The following MTUS2 variants were observed in gnomAD, a reference collection of about 807,000 sequenced individuals.
MTUS2 encodes the protein microtubule associated scaffold protein 2.
MTUS2 carries 40 observed loss-of-function variants against 114.1 expected under a neutral mutation model. The observed-to-expected ratio is 0.35, with a 90% CI of 0.27 to 0.46. MTUS2 has a LOEUF of 0.46. Among genes scored for constraint, MTUS2 ranks in the 20% least tolerant of loss-of-function variants. MTUS2 has a pLI of 1.00. For missense variants in MTUS2, 1,679 were observed against 1,705.4 expected, an observed-to-expected ratio of 0.98 and a Z score of 0.27; for synonymous variants, 688 against 672.0, an observed-to-expected ratio of 1.02 and a Z score of -0.37.
intron 2 of MTUS2, among the ~76,000 whole-genome samples, chr13:28,936,600 T>C (rs1057146429): frequency 2.0e-5 from 3 of 152,182 alleles, no homozygotes; most frequent in African/African-American, 7.2e-5. Flanking sequence ...TACTCCTTCC[T>C]GGCTTCCCCT....
intron 4 of MTUS2, among the ~76,000 whole-genome samples, chr13:29,067,377 A>G (rs9508251): frequency 0.24 from 36,898 of 152,042 alleles, 5,042 homozygotes; most frequent in Non-Finnish European, 0.31. Context: ...AATGTAGTGT[A>G]TGAGGCTAAG....
At chr13:29,071,932 A>C (rs916487262) in intron 4 of MTUS2, 1 of 152,182 alleles carries the variant, frequency 6.6e-6, no homozygotes, top group Non-Finnish European at 1.5e-5. Context: ...TGCCCAGAAG[A>C]GGAGATGGTG....
chr13:29,453,368 G>T (rs1041304510), intron 9 of MTUS2, among the ~76,000 whole-genome samples: 1 of 152,180 alleles, frequency 6.6e-6, no homozygotes, highest in African/African-American at 2.4e-5. Flanking sequence ...CAATGAATGT[G>T]GGGAATTCAA....
chr13:29,067,430 T>C (rs1364723741), intron 4 of MTUS2, among the ~76,000 whole-genome samples: 9 of 152,124 alleles, frequency 5.9e-5, no homozygotes, highest in Admixed American at 5.9e-4. Context: ...GACTGTCTCA[T>C]AGACAAGAGG....
intron 2 of MTUS2, among the ~76,000 whole-genome samples, chr13:28,938,180 C>A (rs1003884601): frequency 1.3e-5 from 2 of 152,118 alleles, no homozygotes; most frequent in East Asian, 1.9e-4. Flanking sequence ...GTCAGGAGAT[C>A]GAGACCATCC....
At chr13:29,325,851 T>C (rs1050620627) in intron 7 of MTUS2, among the ~76,000 whole-genome samples, 2 of 152,190 alleles carry the variant, frequency 1.3e-5, no homozygotes, top group Admixed American at 1.3e-4. Context: ...ATTTCATTAA[T>C]TTGCCCAAAG....
chr13:28,963,486 T>C (rs1883430767), intron 2 of MTUS2, among the ~76,000 whole-genome samples: 1 of 152,220 alleles, frequency 6.6e-6, no homozygotes, highest in African/African-American at 2.4e-5. Context: ...AGACAAAAAA[T>C]GGTCTGTTTA....
chr13:28,863,802 A>G (rs1386647146), intron 2 of MTUS2, among the ~76,000 whole-genome samples: 1 of 152,166 alleles, frequency 6.6e-6, no homozygotes, highest in African/African-American at 2.4e-5. Flanking sequence ...AGCCCAAGTG[A>G]TCTTCCTGCC....
chr13:29,252,570 C>T (rs1288357945), intron 5 of MTUS2, among the ~76,000 whole-genome samples: 1 of 152,152 alleles, frequency 6.6e-6, no homozygotes, highest in Non-Finnish European at 1.5e-5. Context: ...CACCCTAAAG[C>T]AGTGATATGG....
chr13:29,328,168 C>A (rs1900607676), intron 7 of MTUS2, among the ~76,000 whole-genome samples: 2 of 149,494 alleles, frequency 1.3e-5, no homozygotes, highest in African/African-American at 4.9e-5. Context: ...TATTAATTTA[C>A]AAAAATAGTA....
At chr13:29,289,245 G>A (rs763503930) in intron 6 of MTUS2, among the ~76,000 whole-genome samples, 35 of 152,256 alleles carry the variant, frequency 2.3e-4, no homozygotes, top group Non-Finnish European at 4.3e-4. Flanking sequence ...ATGGACTAAT[G>A]GATGGGATGG....
intron 6 of MTUS2, among the ~76,000 whole-genome samples, chr13:29,300,789 C>T (rs1899167800): frequency 6.6e-6 from 1 of 152,152 alleles, no homozygotes; most frequent in African/African-American, 2.4e-5. Flanking sequence ...CCTAATTCAT[C>T]CATGGCTGGA....
chr13:29,495,355 CAAAAAAAAAAAAA>C (rs561721512), intron 12 of MTUS2, among the ~76,000 whole-genome samples: 5 of 29,808 alleles, frequency 1.7e-4, no homozygotes, highest in Admixed American at 4.1e-4. Flanking sequence ...GAGTCTTTGT[CAAAAAAAAAAAAA>C]AAAAAAAAAA....
intron 6 of MTUS2, among the ~76,000 whole-genome samples, chr13:29,297,587 AG>A (rs1207218697): frequency 6.6e-6 from 1 of 152,178 alleles, no homozygotes; most frequent in Non-Finnish European, 1.5e-5. Flanking sequence ...ATTTTACTGA[AG>A]TTACCTTGAT....
chr13:29,346,761 C>CCGG (rs1868738090), intron 7 of MTUS2, among the ~76,000 whole-genome samples: 1 of 146,638 alleles, frequency 6.8e-6, no homozygotes, highest in Middle Eastern at 3.4e-3. Context: ...CCCAATTCCA[C>CCGG]TGGCACCCCT....
intron 2 of MTUS2, among the ~76,000 whole-genome samples, chr13:28,947,466 A>G (rs1328689137): frequency 2.6e-5 from 4 of 152,180 alleles, no homozygotes; most frequent in Non-Finnish European, 5.9e-5. Context: ...TAATACCTCA[A>G]TATGTTTGCG....
chr13:28,975,672 C>T (rs1414778493), intron 2 of MTUS2, among the ~76,000 whole-genome samples: 1 of 152,228 alleles, frequency 6.6e-6, no homozygotes, highest in Non-Finnish European at 1.5e-5. Flanking sequence ...ATATTTGATG[C>T]ATTTTATCTC....
At chr13:28,979,702 G>A (rs1444159916) in intron 2 of MTUS2, among the ~76,000 whole-genome samples, 3 of 152,100 alleles carry the variant, frequency 2.0e-5, no homozygotes, top group Admixed American at 1.3e-4. Context: ...AAATGGAAAG[G>A]GAATCTGGGA....
intron 5 of MTUS2, among the ~76,000 whole-genome samples, chr13:29,126,983 C>A (rs1566021814): frequency 2.6e-5 from 4 of 152,196 alleles, no homozygotes; most frequent in African/African-American, 7.2e-5. Context: ...GTGTTCAGTG[C>A]TCTGATCACC....
Sources: gnomAD v4.1 joint callset for allele counts (sites outside exome capture counted in the v4.1 genomes callset) on GRCh38, gnomAD v4.1.1 for gene constraint, MANE v1.5 for transcripts, NCBI Gene and HGNC (gene_info 2026-07-23, HGNC 2026-07-21) for gene names.